Variants in ERC1 observed in about 807,000 individuals in gnomAD.
ERC1 encodes ELKS/RAB6-interacting/CAST family member 1.
Under a neutral mutation model 132.0 loss-of-function variants are expected in ERC1, and 56 were observed. The ratio of observed to expected loss-of-function variants is 0.42; its 90% CI spans 0.34 to 0.53. ERC1 has a LOEUF of 0.53. Ranked by LOEUF, ERC1 falls within the 20% of genes least tolerant of loss-of-function variation. The probability of loss-of-function intolerance (pLI) is 0.03; values close to 1 mark genes in which losing one functional copy is unlikely to be tolerated. For missense variants in ERC1, 1,202 were observed against 1,349.9 expected (o/e 0.89, Z 1.72); for synonymous variants, 478 against 476.1 (o/e 1.00, Z -0.05).
At chr12:1,259,013 A>G (rs1566410163) in intron 13 of ERC1, among the ~76,000 whole-genome samples, 2 of 152,204 alleles carry the variant, frequency 1.3e-5, no homozygotes. Context: ...CTATTTCCAG[A>G]AGGTCTTTAG....
intron 14 of ERC1, among the ~76,000 whole-genome samples, chr12:1,266,466 A>G (rs60748182): frequency 0.05 from 6,283 of 124,458 alleles, 493 homozygotes; most frequent in African/African-American, 0.18. Context: ...GTGTAATGGC[A>G]TGATCTCAGC....
At chr12:1,071,054 A>G (rs769628163) in intron 2 of ERC1, among the ~76,000 whole-genome samples, 9 of 152,156 alleles carry the variant, frequency 5.9e-5, no homozygotes, top group Non-Finnish European at 8.8e-5. Context: ...ATACTGAGTA[A>G]CACTCCATTG....
chr12:1,184,031 G>A (rs1954782728), intron 11 of ERC1, among the ~76,000 whole-genome samples: 1 of 151,718 alleles, frequency 6.6e-6, no homozygotes, highest in Admixed American at 6.6e-5. Flanking sequence ...AGCTACTCAG[G>A]AGGCTGAGGC....
intron 17 of ERC1, among the ~76,000 whole-genome samples, chr12:1,435,942 T>C (rs2092934780): frequency 6.6e-6 from 1 of 152,178 alleles, no homozygotes; most frequent in South Asian, 2.1e-4. Flanking sequence ...GCCATGTTCT[T>C]ATTAAGCACT....
chr12:1,056,526 G>A (rs555549748), intron 2 of ERC1, among the ~76,000 whole-genome samples: 1 of 152,242 alleles, frequency 6.6e-6, no homozygotes, highest in African/African-American at 2.4e-5. Flanking sequence ...TTTACATAGG[G>A]CATGAAAGAT....
At chr12:1,399,859 C>CT (rs1030642413) in intron 16 of ERC1, among the ~76,000 whole-genome samples, 4 of 152,076 alleles carry the variant, frequency 2.6e-5, no homozygotes, top group African/African-American at 9.7e-5. Flanking sequence ...TTTGTGGGTG[C>CT]TTTTTTGCAT....
intron 2 of ERC1, among the ~76,000 whole-genome samples, chr12:1,078,549 C>A (rs71435022): frequency 0.052 from 7,808 of 151,340 alleles, 272 homozygotes; most frequent in Non-Finnish European, 0.075. Context: ...ATACCCAAAC[C>A]GGAAATGATA....
chr12:1,135,441 T>C (rs970197144), intron 7 of ERC1, among the ~76,000 whole-genome samples: 1 of 152,202 alleles, frequency 6.6e-6, no homozygotes, highest in Non-Finnish European at 1.5e-5. Flanking sequence ...GTGCTTTACC[T>C]AGCATTTCTG....
chr12:1,040,301 T>G (rs1969960731), intron 2 of ERC1, among the ~76,000 whole-genome samples: 1 of 151,932 alleles, frequency 6.6e-6, no homozygotes, highest in South Asian at 2.1e-4. Flanking sequence ...ATACTCATTT[T>G]TCTTTTTCTT....
intron 8 of ERC1, among the ~76,000 whole-genome samples, chr12:1,176,557 G>A (rs1213238651): frequency 1.3e-5 from 2 of 151,564 alleles, no homozygotes; most frequent in Non-Finnish European, 2.9e-5. Context: ...TTGAAGCTTT[G>A]TTTTCTTTGT....
At chr12:1,130,743 A>G (rs969549792) in intron 7 of ERC1, among the ~76,000 whole-genome samples, 1 of 151,482 alleles carries the variant, frequency 6.6e-6, no homozygotes, top group African/African-American at 2.4e-5. Flanking sequence ...ACAGAGCACA[A>G]TTGCAGTTTG....
chr12:1,144,651 T>C (rs1950182267), intron 8 of ERC1, among the ~76,000 whole-genome samples: 1 of 140,402 alleles, frequency 7.1e-6, no homozygotes, highest in South Asian at 2.1e-4. Flanking sequence ...TATATATACG[T>C]ATATATATAT....
intron 15 of ERC1, among the ~76,000 whole-genome samples, chr12:1,303,428 A>C (rs1322680795): frequency 6.7e-6 from 1 of 149,318 alleles, no homozygotes; most frequent in Non-Finnish European, 1.5e-5. Context: ...CAAGGTCAGG[A>C]GATCGAGACC....
intron 17 of ERC1, chr12:1,410,322 C>T: frequency 1.5e-6 from 1 of 647,910 alleles, no homozygotes; most frequent in South Asian, 1.5e-5. Context: ...GTTTTAAATA[C>T]TAACCACCTC....
intron 15 of ERC1, among the ~76,000 whole-genome samples, chr12:1,292,552 G>A (rs1201945998): frequency 1.3e-5 from 2 of 152,174 alleles, no homozygotes; most frequent in African/African-American, 2.4e-5. Flanking sequence ...AAATATCTCT[G>A]TGTTAAATTA....
intron 15 of ERC1, among the ~76,000 whole-genome samples, chr12:1,354,980 G>A (rs1160816231): frequency 1.3e-5 from 2 of 152,136 alleles, no homozygotes; most frequent in African/African-American, 4.8e-5. Flanking sequence ...TCTTGTACTA[G>A]TATCCCTCAA....
chr12:1,065,480 T>TTGTGTGTGTGTGTGTGTGTG (rs71293132), intron 2 of ERC1, among the ~76,000 whole-genome samples: 11 of 125,012 alleles, frequency 8.8e-5, no homozygotes, highest in East Asian at 2.7e-4. Context: ...TTTGTACCGT[T>TTGTGTGTGTGTGTGTGTGTG]TGTGTGTGTG....
chr12:1,116,379 A>G (rs372150804), intron 7 of ERC1, among the ~76,000 whole-genome samples: 1 of 152,170 alleles, frequency 6.6e-6, no homozygotes, highest in East Asian at 1.9e-4. Context: ...TTTTCTAGTC[A>G]TGAATGACAA....
At chr12:1,069,519 A>G (rs1043032482) in intron 2 of ERC1, among the ~76,000 whole-genome samples, 4 of 152,178 alleles carry the variant, frequency 2.6e-5, no homozygotes, top group Admixed American at 6.5e-5. Flanking sequence ...ATAATAGTGA[A>G]TAAGTACAAA....
Sources: gnomAD v4.1 joint callset for allele counts (sites outside exome capture counted in the v4.1 genomes callset) on GRCh38, gnomAD v4.1.1 for gene constraint, MANE v1.5 for transcripts, NCBI Gene and HGNC (gene_info 2026-07-23, HGNC 2026-07-21) for gene names.